The following XKR6 variants were observed in gnomAD, a reference collection of about 807,000 sequenced individuals.
XKR6 encodes XK-related protein 6.
Under a neutral mutation model 56.7 loss-of-function variants are expected in XKR6, and 22 were observed. The observed-to-expected ratio is 0.39, with a 90% CI of 0.28 to 0.55. The LOEUF (loss-of-function observed/expected upper bound fraction) is 0.55. Ranked by LOEUF, XKR6 falls within the 20% of genes least tolerant of loss-of-function variation. The probability of loss-of-function intolerance (pLI) is 0.66; values close to 1 mark genes in which losing one functional copy is unlikely to be tolerated. For missense variants in XKR6, 852 were observed against 889.0 expected (o/e 0.96, Z 0.53); for synonymous variants, 524 against 387.8 (o/e 1.35, Z -4.13).
chr8:11,046,785 A>T (rs1399437804), intron 1 of XKR6, among the ~76,000 whole-genome samples: 2 of 152,262 alleles, frequency 1.3e-5, no homozygotes, highest in Non-Finnish European at 2.9e-5. Flanking sequence ...AGATACATAG[A>T]TAAATGTTTA....
chr8:11,060,498 G>A (rs1398776023), intron 1 of XKR6, among the ~76,000 whole-genome samples: 2 of 152,214 alleles, frequency 1.3e-5, no homozygotes, highest in Non-Finnish European at 2.9e-5. Context: ...AGTTGTGGGA[G>A]ACCCTGACCT....
At position 11,200,526 on chromosome 8, in the gene XKR6, G is replaced by T. The variant is rs767083146; in HGVS notation, c.764+50C>A. 5 of 1,404,134 alleles carry T rather than the reference G, an allele frequency of 3.6e-6. No individual in the cohort carries two copies. In the South Asian group the frequency reaches 6.7e-5, roughly 19 times the overall value. 87.0% of individuals were successfully genotyped at this position (1,404,134 alleles called of 1,614,324 possible). Reference sequence around the variant, plus strand: ...CCGCCCCGCGAAGCACCGGGAGGGCGGAGGGGGGCTCCTCAGGGCCGGCCC... The same window carrying T: ...CCGCCCCGCGAAGCACCGGGAGGGCTGAGGGGGGCTCCTCAGGGCCGGCCC... On this transcript the variant is annotated intron_variant, in intron 1 of 2. Coordinates refer to ENST00000416569, the MANE Select transcript of XKR6 (RefSeq NM_173683.4). This position sits in a 1 kb window ranked among gnomAD's most constrained non-coding sequence, Gnocchi z 6.4.
At chr8:11,171,331 C>G (rs17152963) in intron 1 of XKR6, among the ~76,000 whole-genome samples, 4,347 of 152,350 alleles carry the variant, frequency 0.029, 206 homozygotes, top group African/African-American at 0.1. Context: ...AATATCCTGT[C>G]GTCTACTTAA....
intron 1 of XKR6, among the ~76,000 whole-genome samples, chr8:11,088,839 A>G (rs1337981700): frequency 6.6e-6 from 1 of 152,238 alleles, no homozygotes; most frequent in African/African-American, 2.4e-5. Context: ...AGTGAACTTT[A>G]ATGTGATCAA....
chr8:11,004,396 CA>C (rs1038707867), intron 1 of XKR6, among the ~76,000 whole-genome samples: 7 of 152,112 alleles, frequency 4.6e-5, no homozygotes, highest in African/African-American at 7.2e-5. Context: ...CACTTGAACC[CA>C]GGAGGCGGAG....
intron 1 of XKR6, among the ~76,000 whole-genome samples, chr8:10,930,465 C>A (rs539045089): frequency 6.6e-6 from 1 of 152,288 alleles, no homozygotes; most frequent in South Asian, 2.1e-4. Context: ...CGGCATTACT[C>A]TGATACAAAA....
At chr8:11,003,114 T>C (rs1798283184) in intron 1 of XKR6, among the ~76,000 whole-genome samples, 1 of 152,070 alleles carries the variant, frequency 6.6e-6, no homozygotes, top group Non-Finnish European at 1.5e-5. Context: ...CCAGGTTAAT[T>C]CAGGAAGCAT....
chr8:10,996,126 C>T (rs896395655), intron 1 of XKR6, among the ~76,000 whole-genome samples: 1 of 152,186 alleles, frequency 6.6e-6, no homozygotes, highest in African/African-American at 2.4e-5. Flanking sequence ...AAATGAAATA[C>T]TTTTCTTCAG....
intron 1 of XKR6, among the ~76,000 whole-genome samples, chr8:11,018,021 C>A (rs954382252): frequency 6.6e-6 from 1 of 152,144 alleles, no homozygotes; most frequent in Non-Finnish European, 1.5e-5. Flanking sequence ...AGGTGCACAA[C>A]CCCGGTCCTC....
At chr8:11,055,165 G>A (rs1004552754) in intron 1 of XKR6, among the ~76,000 whole-genome samples, 1 of 152,230 alleles carries the variant, frequency 6.6e-6, no homozygotes, top group African/African-American at 2.4e-5. Context: ...GAGTTTTCCA[G>A]GAAGTGAGAG....
At chr8:11,190,224 GAGAAAAGAA>G (rs1563206767) in intron 1 of XKR6, among the ~76,000 whole-genome samples, 56 of 109,338 alleles carry the variant, frequency 5.1e-4, no homozygotes, top group African/African-American at 1.9e-3. Flanking sequence ...AAGAAAGAAA[GAGAAAAGAA>G]AAAAGAAAAA....
intron 1 of XKR6, among the ~76,000 whole-genome samples, chr8:11,055,029 A>G (rs1799646136): frequency 6.6e-6 from 1 of 152,214 alleles, no homozygotes; most frequent in Non-Finnish European, 1.5e-5. Flanking sequence ...GGCCACACCC[A>G]GAGGCTTTGC....
At chr8:11,096,447 A>T (rs1002948191) in intron 1 of XKR6, among the ~76,000 whole-genome samples, 4 of 152,168 alleles carry the variant, frequency 2.6e-5, no homozygotes, top group African/African-American at 9.7e-5. Flanking sequence ...TTAATTTCTA[A>T]TTTTTTGCAG....
At chr8:11,192,450 C>CA in intron 1 of XKR6, among the ~76,000 whole-genome samples, 1 of 152,030 alleles carries the variant, frequency 6.6e-6, no homozygotes. Context: ...GCCTGGCCTA[C>CA]AAAAATCTTT....
chr8:11,133,423 A>C lies in XKR6; in HGVS notation c.764+67153T>G, dbSNP rs184096080. Among the ~76,000 whole-genome samples the C allele has an allele frequency of 7.5e-4, 114 of 152,238 alleles. 1 individual carries two copies. Among genetic ancestry groups the C allele is most frequent in the East Asian group, 5.8e-4 (3 of 5,188 alleles). On this transcript the variant is annotated intron_variant, in intron 1 of 2. Coordinates refer to ENST00000416569, the MANE Select transcript of XKR6 (RefSeq NM_173683.4). ...GCACAGCATGTGAACAATACCCTTA[A>C]GATCTGCCTCCTGGAGAGAGGGCAA...
intron 2 of XKR6, among the ~76,000 whole-genome samples, chr8:10,923,677 G>A (rs970644068): frequency 6.6e-6 from 1 of 152,260 alleles, no homozygotes; most frequent in South Asian, 2.1e-4. Flanking sequence ...CATTGGTGAG[G>A]AGGTCCGTGT....
chr8:11,058,181 A>G (rs951184515), intron 1 of XKR6, among the ~76,000 whole-genome samples: 1 of 152,154 alleles, frequency 6.6e-6, no homozygotes, highest in African/African-American at 2.4e-5. Context: ...GAATGGGTGA[A>G]TTTTTAAGTA....
intron 1 of XKR6, among the ~76,000 whole-genome samples, chr8:11,129,490 C>T (rs1799994727): frequency 6.6e-6 from 1 of 152,126 alleles, no homozygotes; most frequent in African/African-American, 2.4e-5. Context: ...GAGCTGCTCT[C>T]CACTTCCACA....
chr8:10,960,009 G>C (rs190417451), intron 1 of XKR6, among the ~76,000 whole-genome samples: 21 of 134,924 alleles, frequency 1.6e-4, no homozygotes, highest in Admixed American at 4.2e-4. Flanking sequence ...CTGAAGGTCA[G>C]GGGGGGGCCT....
Sources: gnomAD v4.1 joint callset for allele counts (sites outside exome capture counted in the v4.1 genomes callset) on GRCh38, gnomAD v4.1.1 for gene constraint, Gnocchi (gnomAD v3.1) non-coding constraint, MANE v1.5 for transcripts, NCBI Gene and HGNC (gene_info 2026-07-23, HGNC 2026-07-21) for gene names.